The following PPIL1 variants were observed in gnomAD, a reference collection of about 807,000 sequenced individuals.
PPIL1 encodes peptidylprolyl isomerase like 1.
PPIL1 carries 14 observed loss-of-function variants against 19.4 expected under a neutral mutation model. The ratio of observed to expected loss-of-function variants is 0.72; its 90% CI spans 0.48 to 1.13. The LOEUF (loss-of-function observed/expected upper bound fraction) is 1.13. Ranked by LOEUF, PPIL1 falls within the 50% of genes most tolerant of loss-of-function variation. The pLI, the probability that PPIL1 is intolerant of heterozygous loss-of-function variation, is 0.00. For synonymous variants in PPIL1, 72 were observed against 73.6 expected, an observed-to-expected ratio of 0.98 and a Z score of 0.11; for missense variants, 192 against 218.0, an observed-to-expected ratio of 0.88 and a Z score of 0.75.
intron 1 of PPIL1, among the ~76,000 whole-genome samples, chr6:36,874,059 T>C (rs1774580569): frequency 6.6e-6 from 1 of 152,130 alleles, no homozygotes; most frequent in African/African-American, 2.4e-5. Context: ...CCAAACGAGG[T>C]TCTTCCAGTT....
chr6:36,870,292 A>C (rs1052916692), intron 2 of PPIL1, among the ~76,000 whole-genome samples: 1 of 152,150 alleles, frequency 6.6e-6, no homozygotes, highest in Admixed American at 6.6e-5. Context: ...TGAAATGAGT[A>C]AGGGTTCCAC....
At chr6:36,864,178 A>G (rs1774350041) in intron 2 of PPIL1, among the ~76,000 whole-genome samples, 1 of 151,654 alleles carries the variant, frequency 6.6e-6, no homozygotes, top group East Asian at 1.9e-4. Context: ...CCCACCCTCT[A>G]TTCTTCACAT....
chr6:36,874,630 C>G (rs1561850840), intron 1 of PPIL1, 87 bp downstream of exon 1: 39 of 1,543,210 alleles, frequency 2.5e-5, no homozygotes, highest in Non-Finnish European at 3.3e-5. Context: ...GCCGGCCTCC[C>G]GGAGGAACGC....
chr6:36,870,900 A>G (rs1234389539), intron 2 of PPIL1, among the ~76,000 whole-genome samples: 1 of 152,206 alleles, frequency 6.6e-6, no homozygotes, highest in Non-Finnish European at 1.5e-5. Context: ...CTGGGATTAC[A>G]GGCGTGAGCC....
Position 36,856,639 on chromosome 6 carries a change from G to A in PPIL1, c.227C>T (p.Ser76Phe). Residue 76 changes from serine to phenylalanine, a missense_variant, in exon 3 of 4, where the codon TCT becomes TTT. Coordinates refer to ENST00000373699, the MANE Select transcript of PPIL1 (RefSeq NM_016059.5). ...DPTGTGRGGA[S>F]IYGKQFEDEL... The stretch of plus-strand genomic sequence containing the variant: ...ATCTTCAAACTGTTTGCCATAGATA[G>A]ATGCACCACCTCGACCTGCCCGATT... The A allele has an allele frequency of 6.2e-7, 1 of 1,614,108 alleles. No individual in the cohort carries two copies. The highest frequency in any genetic ancestry group is 2.2e-5 in the East Asian group (1 of 44,890).
chr6:36,869,272 C>T (rs1440000694), intron 2 of PPIL1, among the ~76,000 whole-genome samples: 1 of 152,174 alleles, frequency 6.6e-6, no homozygotes, highest in Non-Finnish European at 1.5e-5. Flanking sequence ...TGTGAGCCAC[C>T]ATGCCTGGCC....
Position 36,855,450 on chromosome 6 carries a change from T to C in PPIL1, c.*363A>G. On this transcript the variant is annotated 3_prime_UTR_variant, in exon 4 of 4. Transcript: ENST00000373699. The stretch of plus-strand genomic sequence containing the variant: ...TGCTGTGTAGGCCAGAATATAAATC[T>C]CCTTAGGAAGAAGTTTGGTTAGGCA... 1 of 295,808 alleles carries C rather than the reference T, an allele frequency of 3.4e-6. No individual in the cohort carries two copies. The highest frequency in any genetic ancestry group is 2.2e-5 in the African/African-American group (1 of 46,466). 18.3% of individuals were successfully genotyped at this position (295,808 alleles called of 1,614,324 possible).
chr6:36,857,300 T>C (rs187184618), intron 2 of PPIL1, among the ~76,000 whole-genome samples: 8 of 152,310 alleles, frequency 5.3e-5, no homozygotes, highest in South Asian at 2.1e-4. Flanking sequence ...AGTGGCAATG[T>C]GGCAGAAAGG....
chr6:36,872,857 G>A (rs1282411319), intron 1 of PPIL1, among the ~76,000 whole-genome samples: 1 of 152,174 alleles, frequency 6.6e-6, no homozygotes, highest in African/African-American at 2.4e-5. Context: ...CAATCTACCT[G>A]CCTTGGCCTC....
Position 36,855,407 on chromosome 6 carries a change from C to T in PPIL1, c.*406G>A, listed in dbSNP as rs1774145900. The T allele has an allele frequency of 8.8e-6, 2 of 227,134 alleles. No homozygotes were observed. The highest frequency in any genetic ancestry group is 5.0e-5 in the Admixed American group (1 of 19,910). 14.1% of individuals were successfully genotyped at this position (227,134 alleles called of 1,614,324 possible). A position where few individuals can be genotyped will look rare whatever the true frequency, so the allele number is the denominator to read the frequency against. On this transcript the variant is annotated 3_prime_UTR_variant, in exon 4 of 4. Coordinates refer to ENST00000373699, the MANE Select transcript of PPIL1 (RefSeq NM_016059.5). ...CACTACTTGGTTTGGAATTCTGTGG[C>T]TGTCAGCCATCAAGGACTGCTGTGT...
chr6:36,858,903 G>A (rs1021797687), intron 2 of PPIL1, among the ~76,000 whole-genome samples: 7 of 152,188 alleles, frequency 4.6e-5, no homozygotes, highest in Non-Finnish European at 1.0e-4. Context: ...GGAGAGGGCT[G>A]TGGGGCCAGA....
rs183439772 is a variant in PPIL1, at chr6:36,872,635, G to T, written c.57-763C>A. Among the ~76,000 whole-genome samples, 338 of 151,804 alleles carry T rather than the reference G, an allele frequency of 2.2e-3. 1 individual carries two copies. The highest frequency in any genetic ancestry group is 7.4e-3 in the African/African-American group (307 of 41,370). ...ACAATTTTTTTTTTTTTGAGAAAGG[G>T]TCTCCTCTGTCACCCAGGTTACAGT... On this transcript the variant is annotated intron_variant, in intron 1 of 3. Transcript: ENST00000373699.
intron 2 of PPIL1, among the ~76,000 whole-genome samples, chr6:36,862,085 T>A (rs1774302282): frequency 6.6e-6 from 1 of 152,192 alleles, no homozygotes. Flanking sequence ...TTAGTCACTG[T>A]GGAAACCTGT....
intron 2 of PPIL1, among the ~76,000 whole-genome samples, chr6:36,864,142 T>C (rs1774349163): frequency 6.6e-6 from 1 of 151,854 alleles, no homozygotes; most frequent in African/African-American, 2.4e-5. Flanking sequence ...CTGGTCTCCT[T>C]GCTTCCAGCC....
At chr6:36,863,862 G>A (rs1467088181) in intron 2 of PPIL1, among the ~76,000 whole-genome samples, 4 of 151,644 alleles carry the variant, frequency 2.6e-5, no homozygotes, top group African/African-American at 7.3e-5. Context: ...TGGCTTCCAC[G>A]ACTCCACATT....
intron 2 of PPIL1, among the ~76,000 whole-genome samples, chr6:36,859,811 T>TTG (rs71880744): frequency 0.086 from 12,442 of 144,862 alleles, 566 homozygotes; most frequent in Middle Eastern, 0.17. Flanking sequence ...CTGTTTTCTA[T>TTG]TGTGTGTGTG....
intron 2 of PPIL1, among the ~76,000 whole-genome samples, chr6:36,862,986 T>C (rs1774320802): frequency 6.6e-6 from 1 of 152,162 alleles, no homozygotes; most frequent in Non-Finnish European, 1.5e-5. Context: ...CAAGACACTT[T>C]CTCTCCAAGC....
At chr6:36,871,252 T>C (rs976488192) in intron 2 of PPIL1, among the ~76,000 whole-genome samples, 1 of 152,238 alleles carries the variant, frequency 6.6e-6, no homozygotes, top group South Asian at 2.1e-4. Context: ...AGAGCAATAA[T>C]TCTGTCTCTT....
Position 36,868,567 on chromosome 6 carries a change from A to T in PPIL1, c.211+3151T>A, listed in dbSNP as rs144540198. Reference sequence around the variant, plus strand: ...AAAAATGAGAAGGCAGCCAGGCATGATGGCTCATGCCTGTAATCCCAACAT... The same window carrying T: ...AAAAATGAGAAGGCAGCCAGGCATGTTGGCTCATGCCTGTAATCCCAACAT... On this transcript the variant is annotated intron_variant, in intron 2 of 3. Coordinates refer to ENST00000373699, the MANE Select transcript of PPIL1 (RefSeq NM_016059.5). Among the ~76,000 whole-genome samples, 534 of 152,286 alleles carry T rather than the reference A, an allele frequency of 3.5e-3. 2 individuals are homozygous for T. The highest frequency in any genetic ancestry group is 0.012 in the African/African-American group (497 of 41,558).
Sources: gnomAD v4.1 joint callset for allele counts (sites outside exome capture counted in the v4.1 genomes callset) on GRCh38, gnomAD v4.1.1 for gene constraint, MANE v1.5 for transcripts, NCBI Gene and HGNC (gene_info 2026-07-23, HGNC 2026-07-21) for gene names.